EIF2B1: variants seen among roughly 807,000 people sequenced by gnomAD.
EIF2B1 encodes translation initiation factor eIF2B subunit alpha.
In EIF2B1, 30 loss-of-function variants were observed where a neutral mutation model predicts 36.8. That is an observed-to-expected ratio of 0.81 (90% CI 0.61 to 1.10). The LOEUF is 1.10. Among genes scored for constraint, EIF2B1 ranks in the 50% least tolerant of loss-of-function variants. EIF2B1 has a pLI of 0.00. For synonymous variants in EIF2B1, 139 were observed against 142.2 expected, an observed-to-expected ratio of 0.98 and a Z score of 0.16; for missense variants, 271 against 374.8, an observed-to-expected ratio of 0.72 and a Z score of 2.29.
intron 7 of EIF2B1, 151 bp downstream of exon 7, chr12:123,624,636 T>C (rs914687141): frequency 8.3e-6 from 6 of 719,492 alleles, no homozygotes; most frequent in African/African-American, 1.8e-5. Flanking sequence ...TGCTATGACT[T>C]ACGGGAAATG....
Position 123,630,216 on chromosome 12 carries a change from T to C in EIF2B1, c.322A>G (p.Arg108Gly). 1.2e-6 allele frequency: 2 copies of C among 1,614,124 alleles called. No homozygotes were observed. Among genetic ancestry groups the C allele is most frequent in the Non-Finnish European group, 1.7e-6 (2 of 1,180,042 alleles). ...ELFLRRISLS[R>G]NKIADLCHTF... The stretch of plus-strand genomic sequence containing the variant: ...TGGCACAGATCTGCAATTTTGTTTC[T>C]TGACAGTGATATTCTCCTGAGAAAA... Residue 108 changes from arginine to glycine, a missense_variant, in exon 4 of 9, where the codon AGA (arginine) becomes GGA (glycine). By Grantham distance (125) the Arg-to-Gly change is moderately radical. Coordinates refer to ENST00000424014, the MANE Select transcript of EIF2B1 (RefSeq NM_001414.4). This position sits in a 1 kb window ranked among gnomAD's most constrained non-coding sequence, Gnocchi z 4.6.
chr12:123,621,264 A>C lies in EIF2B1; in HGVS notation c.*492T>G. The stretch of plus-strand genomic sequence containing the variant: ...TTTACTGTTTGGCTTGATCCTGCTG[A>C]GGAATGTGCTTACCACTGGAAGCCA... On this transcript the variant is annotated 3_prime_UTR_variant, in exon 9 of 9. Transcript: ENST00000424014. The C allele has an allele frequency of 8.7e-6, 2 of 228,744 alleles. No homozygotes were observed. The highest frequency in any genetic ancestry group is 1.8e-5 in the Non-Finnish European group (2 of 114,014). The allele number at this position is 228,744 out of a possible 1,614,324, so 14.2% of individuals were successfully genotyped here. A position where few individuals can be genotyped will look rare whatever the true frequency, so the allele number is the denominator to read the frequency against.
chr12:123,627,242 C>T, intron 4 of EIF2B1, 86 bp from the exon 5 acceptor site: 1 of 989,630 alleles, frequency 1.0e-6, no homozygotes, highest in Non-Finnish European at 1.6e-6. Context: ...TTCCCGACAC[C>T]CTAAGCATCT....
chr12:123,624,072 CGT>C (rs1408717276), intron 7 of EIF2B1, among the ~76,000 whole-genome samples: 2 of 148,292 alleles, frequency 1.3e-5, no homozygotes, highest in Non-Finnish European at 1.5e-5. Flanking sequence ...TATAAATACA[CGT>C]ATTTTATACA....
At chr12:123,632,527 T>G in intron 1 of EIF2B1, 81 bp from the exon 2 acceptor site, 2 of 957,558 alleles carry the variant, frequency 2.1e-6, no homozygotes, top group Non-Finnish European at 3.4e-6. Context: ...ACTGTTGACT[T>G]TAAGAAGCAA....
rs1001303169 is a variant in EIF2B1 at position 123,621,508 on chromosome 12, G to C, written c.*248C>G. Reference sequence around the variant, plus strand: ...GCCAATTATCTAACTTGTATTTCTGGAAACTGAAAAGGAAAGTTTCTAGAA... The same window carrying C: ...GCCAATTATCTAACTTGTATTTCTGCAAACTGAAAAGGAAAGTTTCTAGAA... On this transcript the variant is annotated 3_prime_UTR_variant, in exon 9 of 9. Transcript: ENST00000424014. 1.9e-6 allele frequency: 1 copy of C among 522,052 alleles called. No homozygotes were observed. Among genetic ancestry groups the C allele is most frequent in the Non-Finnish European group, 3.4e-6 (1 of 291,516 alleles). 32.3% of individuals were successfully genotyped at this position (522,052 alleles called of 1,614,324 possible). A position where few individuals can be genotyped will look rare whatever the true frequency, so the allele number is the denominator to read the frequency against.
At chr12:123,623,209 A>G (rs1388172990) in intron 7 of EIF2B1, among the ~76,000 whole-genome samples, 1 of 151,952 alleles carries the variant, frequency 6.6e-6, no homozygotes, top group South Asian at 2.1e-4. Context: ...GGGAAACCCC[A>G]TCTCTACTAA....
chr12:123,626,143 A>C, intron 6 of EIF2B1: 1 of 446,062 alleles, frequency 2.2e-6, no homozygotes. Context: ...AAAAAAACAA[A>C]AAACAAACAA....
chr12:123,621,425 G>A lies in EIF2B1; in HGVS notation c.*331C>T. ...TCGCGTGCTTTAGGCAGATCAGTCT[G>A]GAGTGCAGGGGAGGATGAAGACAGG... On this transcript the variant is annotated 3_prime_UTR_variant, in exon 9 of 9. Transcript: ENST00000424014. 2.6e-6 allele frequency: 1 copy of A among 377,950 alleles called. No homozygotes were observed. Among genetic ancestry groups the A allele is most frequent in the East Asian group, 6.6e-5 (1 of 15,136 alleles). 23.4% of individuals were successfully genotyped at this position (377,950 alleles called of 1,614,324 possible).
At chr12:123,629,531 C>T (rs912400907) in intron 4 of EIF2B1, among the ~76,000 whole-genome samples, 3 of 152,150 alleles carry the variant, frequency 2.0e-5, no homozygotes, top group African/African-American at 7.2e-5. Flanking sequence ...CGGTGGCTCA[C>T]GCCTGTAATC....
chr12:123,626,626 T>C (rs1955150945), intron 5 of EIF2B1, 133 bp from the exon 6 acceptor site: 9 of 1,003,886 alleles, frequency 9.0e-6, no homozygotes, highest in Non-Finnish European at 1.4e-5. Context: ...CAGATCCCAA[T>C]ACTTTGGACT....
rs750555015 is a variant in EIF2B1, at chr12:123,627,064, C to T, written c.462G>A (p.Glu154=). 7 of 1,614,174 alleles carry T rather than the reference C, an allele frequency of 4.3e-6. No individual in the cohort carries two copies. The highest frequency in any genetic ancestry group is 5.9e-6 in the Non-Finnish European group (7 of 1,180,040). The part of the protein sequence containing the change: ...AKKRFSVYVT[E]SQPDLSGKKM... The stretch of plus-strand genomic sequence containing the variant: ...CTTGCCCTGACAAATCAGGCTGTGA[C>T]TCTGTGACGTATACACTAAATCGCT... The change falls in exon 5 of 9, where the codon GAG becomes GAA. Residue 154 remains glutamate (E), a synonymous_variant. Coordinates refer to ENST00000424014, the MANE Select transcript of EIF2B1 (RefSeq NM_001414.4).
In EIF2B1 at chr12:123,633,610, G is replaced by C; in HGVS notation, c.-53C>G. On this transcript the variant is annotated 5_prime_UTR_variant, in exon 1 of 9. Transcript: ENST00000424014. ...GGACCCGAGCCGCCCGCGCTGTCTC[G>C]AACGGGTCCGCCGGCCGCGCCGCCT... The C allele has an allele frequency of 1.9e-6, 3 of 1,601,448 alleles. No homozygotes were observed. The highest frequency in any genetic ancestry group is 2.2e-5 in the East Asian group (1 of 44,856).
chr12:123,621,801 C>A lies in EIF2B1; in HGVS notation c.873G>T (p.Leu291=). Residue 291 remains leucine, a synonymous_variant, in exon 9 of 9, where the codon CTG becomes CTT. Transcript: ENST00000424014. The stretch of plus-strand genomic sequence containing the variant: ...GCTCATCGCTGACTGCTGAGGGTGT[C>A]AGCACGCCCAGGTCTGTAAACAGCA... The part of the protein sequence containing the change: ...ITLLFTDLGV[L]TPSAVSDELI... 6.2e-7 allele frequency: 1 copy of A among 1,613,954 alleles called. No homozygotes were observed. Among genetic ancestry groups the A allele is most frequent in the Non-Finnish European group, 8.5e-7 (1 of 1,180,024 alleles).
At chr12:123,624,765 T>C in intron 7 of EIF2B1, 22 bp downstream of exon 7, 2 of 1,609,304 alleles carry the variant, frequency 1.2e-6, no homozygotes, top group Non-Finnish European at 1.7e-6. Flanking sequence ...AGCAGGGAAC[T>C]GGGGAGAACT....
intron 2 of EIF2B1, 124 bp downstream of exon 2, chr12:123,632,221 T>G: frequency 1.4e-6 from 1 of 719,660 alleles, no homozygotes; most frequent in Non-Finnish European, 2.4e-6. Context: ...TGAGCCAAGA[T>G]CTCGCCACTG....
rs946870441 is a variant in EIF2B1, at chr12:123,621,441, T to C, written c.*315A>G. 1.3e-4 allele frequency: 51 copies of C among 389,190 alleles called. No individual in the cohort carries two copies. The Admixed American group carries it at 1.7e-3, about 13-fold the overall frequency. 24.1% of individuals were successfully genotyped at this position (389,190 alleles called of 1,614,324 possible). A position where few individuals can be genotyped will look rare whatever the true frequency, so the allele number is the denominator to read the frequency against. On this transcript the variant is annotated 3_prime_UTR_variant, in exon 9 of 9. Coordinates refer to ENST00000424014, the MANE Select transcript of EIF2B1 (RefSeq NM_001414.4). Reference sequence around the variant, plus strand: ...GATCAGTCTGGAGTGCAGGGGAGGATGAAGACAGGTGGACTTGGGCTCATC... The same window carrying C: ...GATCAGTCTGGAGTGCAGGGGAGGACGAAGACAGGTGGACTTGGGCTCATC...
At chr12:123,623,139 G>A (rs537014100) in intron 7 of EIF2B1, among the ~76,000 whole-genome samples, 8 of 152,250 alleles carry the variant, frequency 5.3e-5, no homozygotes, top group African/African-American at 1.4e-4. Flanking sequence ...CCAGCACTTT[G>A]GGAGGCCGAG....
At position 123,621,849 on chromosome 12, in the gene EIF2B1, G is replaced by A; in HGVS notation, c.825C>T (p.Tyr275=). 6.2e-7 allele frequency: 1 copy of A among 1,614,078 alleles called. No homozygotes were observed. Among genetic ancestry groups the A allele is most frequent in the Non-Finnish European group, 8.5e-7 (1 of 1,180,034 alleles). Residue 275 remains tyrosine (Y), a synonymous_variant, in exon 9 of 9, where the codon TAC becomes TAT. Transcript: ENST00000424014. Reference sequence around the variant, plus strand: ...GCAGAGTGATTAAGGAAGGGGCAGTGTAGTCGACCCACGGATGCTCCTCTT... The same window carrying A: ...GCAGAGTGATTAAGGAAGGGGCAGTATAGTCGACCCACGGATGCTCCTCTT... ...DLKEEHPWVD[Y]TAPSLITLLF...
Sources: gnomAD v4.1 joint callset for allele counts (sites outside exome capture counted in the v4.1 genomes callset) on GRCh38, gnomAD v4.1.1 for gene constraint, Gnocchi (gnomAD v3.1) non-coding constraint, MANE v1.5 for transcripts, NCBI Gene and HGNC (gene_info 2026-07-23, HGNC 2026-07-21) for gene names.